PRKCZ: variants seen among roughly 807,000 people sequenced by gnomAD.
PRKCZ encodes protein kinase C zeta type.
A neutral mutation model predicts 79.5 loss-of-function variants in PRKCZ; 33 were observed. The ratio of observed to expected loss-of-function variants is 0.41; its 90% confidence interval spans 0.31 to 0.55. The LOEUF is 0.55. PRKCZ is among the 20% of genes least tolerant of loss of function. PRKCZ has a pLI of 0.19. For synonymous variants in PRKCZ, 342 were observed against 320.9 expected, an observed-to-expected ratio of 1.07 and a Z score of -0.70; for missense variants, 578 against 813.5, an observed-to-expected ratio of 0.71 and a Z score of 3.52.
intron 4 of PRKCZ, among the ~76,000 whole-genome samples, chr1:2,115,531 A>G (rs1213686707): frequency 6.6e-6 from 1 of 152,170 alleles, no homozygotes; most frequent in Non-Finnish European, 1.5e-5. Flanking sequence ...TCTGACATCA[A>G]TTACCTGACG....
chr1:2,091,053 T>G (rs187205609), intron 4 of PRKCZ, among the ~76,000 whole-genome samples: 6 of 152,312 alleles, frequency 3.9e-5, no homozygotes, highest in Admixed American at 2.0e-4. Flanking sequence ...TTTTTTGAGC[T>G]GGAGTCTCAC....
rs1429987589 is a variant in PRKCZ, at chr1:2,177,077, G to A, written c.1575+1764G>A. ...TGTCAGTCATCCTCACGCCCAGGCC[G>A]GGGTTAGAGGTGGCGTCCCTTTTCT... On this transcript the variant is annotated intron_variant, in intron 16 of 17. Coordinates refer to ENST00000378567, the MANE Select transcript of PRKCZ (RefSeq NM_002744.6). This position sits in a 1 kb window ranked among gnomAD's most constrained non-coding sequence, Gnocchi z 6.4. 6.6e-6 allele frequency among the ~76,000 whole-genome samples: 1 copy of A among 152,182 alleles called. No individual in the cohort carries two copies. The highest frequency in any genetic ancestry group is 6.5e-5 in the Admixed American group (1 of 15,270).
At chr1:2,179,152 CATCTTGT>C (rs1284701317) in intron 16 of PRKCZ, among the ~76,000 whole-genome samples, 3 of 152,220 alleles carry the variant, frequency 2.0e-5, no homozygotes, top group Non-Finnish European at 4.4e-5. Context: ...AGGTGGCGCT[CATCTTGT>C]CGGGGGCTCC....
In PRKCZ at chr1:2,174,065, C is replaced by T; in HGVS notation, c.1405+49C>T. ...TACCCCTCACCTGCACGACTGTCTT[C>T]CTTCCTTTTCAAAGGTGCAGGTGGA... is the stretch of plus-strand genomic sequence containing the variant. On this transcript the variant is annotated intron_variant, in intron 14 of 17. Transcript: ENST00000378567. The surrounding 1 kb of genome is among the most constrained non-coding windows in gnomAD (Gnocchi z 6.2). 1.3e-6 allele frequency: 2 copies of T among 1,528,276 alleles called. No individual in the cohort carries two copies. Among genetic ancestry groups the T allele is most frequent in the Non-Finnish European group, 1.8e-6 (2 of 1,131,116 alleles). 94.7% of individuals were successfully genotyped at this position (1,528,276 alleles called of 1,614,324 possible).
chr1:2,135,941 C>T (rs1373317532), intron 5 of PRKCZ, among the ~76,000 whole-genome samples: 1 of 152,100 alleles, frequency 6.6e-6, no homozygotes, highest in Admixed American at 6.5e-5. Flanking sequence ...GGGGAGGTGT[C>T]TGGGTGTGCC....
chr1:2,154,870 C>A lies in PRKCZ; in HGVS notation c.877-1125C>A, dbSNP rs1460942651. 5.3e-5 allele frequency among the ~76,000 whole-genome samples: 8 copies of A among 152,212 alleles called. No individual in the cohort carries two copies. In the South Asian group the frequency reaches 1.7e-3, roughly 32 times the overall value. On this transcript the variant is annotated intron_variant, in intron 9 of 17. Coordinates refer to ENST00000378567, the MANE Select transcript of PRKCZ (RefSeq NM_002744.6). ...CAGCATGAATTGGGAGGGTGACAGT[C>A]CTATGGCTGAAGCTAGTGCTCTGGT...
chr1:2,181,856 A>G, intron 16 of PRKCZ: 1 of 456,458 alleles, frequency 2.2e-6, no homozygotes, highest in Non-Finnish European at 4.4e-6. Context: ...GAATACAAGT[A>G]ACTGATGAAT....
At chr1:2,176,100 T>C (rs900352123) in intron 16 of PRKCZ, among the ~76,000 whole-genome samples, 2 of 152,152 alleles carry the variant, frequency 1.3e-5, no homozygotes, top group Non-Finnish European at 2.9e-5. Context: ...TTTAGGAATC[T>C]GATTTCGGTG....
At chr1:2,114,098 T>A (rs904253707) in intron 4 of PRKCZ, among the ~76,000 whole-genome samples, 1 of 152,116 alleles carries the variant, frequency 6.6e-6, no homozygotes, top group African/African-American at 2.4e-5. Flanking sequence ...GCGTTCGGAA[T>A]GCTCAGGAGA....
chr1:2,144,115 C>G, intron 5 of PRKCZ, 95 bp from the exon 6 acceptor site: 3 of 1,473,982 alleles, frequency 2.0e-6, no homozygotes, highest in Non-Finnish European at 1.8e-6. Flanking sequence ...GCTCAGTGTC[C>G]TCTTTTGAGA....
chr1:2,104,747 G>T (rs371802023), intron 4 of PRKCZ: 5 of 985,622 alleles, frequency 5.1e-6, no homozygotes, highest in East Asian at 1.1e-4. Context: ...CAGGCAGGAC[G>T]CAGCGGGCTG....
intron 1 of PRKCZ, among the ~76,000 whole-genome samples, 184 bp from the exon 2 acceptor site, chr1:2,055,257 T>A (rs949719168): frequency 1.3e-5 from 2 of 149,368 alleles, no homozygotes; most frequent in African/African-American, 5.0e-5. Flanking sequence ...GGCCATTTTT[T>A]AAACTATGGT....
intron 17 of PRKCZ, 37 bp from the exon 18 acceptor site, chr1:2,184,885 C>T (rs372825167): frequency 2.2e-5 from 34 of 1,562,022 alleles, no homozygotes; most frequent in Middle Eastern, 1.7e-4. Context: ...AATGAACACA[C>T]GGTCACCCCC....
At chr1:2,148,826 T>C in intron 7 of PRKCZ, 46 bp from the exon 8 acceptor site, 1 of 1,597,500 alleles carries the variant, frequency 6.3e-7, no homozygotes, top group Non-Finnish European at 8.6e-7. Flanking sequence ...CCCAGTGCGT[T>C]CCTGACCACA....
intron 15 of PRKCZ, 141 bp from the exon 16 acceptor site, chr1:2,175,083 A>G: frequency 1.3e-6 from 1 of 770,632 alleles, no homozygotes. Flanking sequence ...AACTTTCAAT[A>G]AAGGAAACAT....
At chr1:2,126,214 C>T (rs757751454) in intron 4 of PRKCZ, among the ~76,000 whole-genome samples, 1 of 152,210 alleles carries the variant, frequency 6.6e-6, no homozygotes, top group Non-Finnish European at 1.5e-5. Flanking sequence ...GGAAACTTTT[C>T]TTCAGTGAAC....
chr1:2,063,925 A>G (rs1452719796), intron 4 of PRKCZ, among the ~76,000 whole-genome samples: 1 of 147,644 alleles, frequency 6.8e-6, no homozygotes, highest in African/African-American at 2.5e-5. Flanking sequence ...GGCTCACTGC[A>G]ATCTCCGCCT....
chr1:2,182,456 C>G (rs1686785644), intron 16 of PRKCZ: 1 of 155,112 alleles, frequency 6.4e-6, no homozygotes, highest in South Asian at 2.0e-4. Context: ...ATGCTGCCCC[C>G]CAGCTGGCGG....
intron 4 of PRKCZ, among the ~76,000 whole-genome samples, chr1:2,103,813 C>T (rs1021107228): frequency 1.3e-5 from 2 of 152,042 alleles, no homozygotes; most frequent in African/African-American, 4.8e-5. Context: ...TGGCCGCTCC[C>T]CTCTCCACAA....
Sources: gnomAD v4.1 joint callset for allele counts (sites outside exome capture counted in the v4.1 genomes callset) on GRCh38, gnomAD v4.1.1 for gene constraint, Gnocchi (gnomAD v3.1) non-coding constraint, MANE v1.5 for transcripts, NCBI Gene and HGNC (gene_info 2026-07-23, HGNC 2026-07-21) for gene names.